The following LAMA4 variants were observed in gnomAD, a reference collection of about 807,000 sequenced individuals.
LAMA4 encodes the protein laminin subunit alpha-4.
In LAMA4, 127 loss-of-function variants were observed where a neutral mutation model predicts 207.1. The observed-to-expected ratio is 0.61, with a 90% CI of 0.53 to 0.71. The LOEUF is 0.71. Ranked by LOEUF, LAMA4 falls within the 30% of genes least tolerant of loss-of-function variation. The probability of loss-of-function intolerance (pLI) is 0.00; values close to 1 mark genes in which losing one functional copy is unlikely to be tolerated. For synonymous variants in LAMA4, 761 were observed against 816.0 expected (o/e 0.93, Z 1.15); for missense variants, 2,093 against 2,246.5 (o/e 0.93, Z 1.38).
rs943416782 is a variant in LAMA4 at position 112,120,449 on chromosome 6, C to G, written c.4499G>C (p.Arg1500Thr). The G allele has an allele frequency of 2.5e-6, 4 of 1,613,708 alleles. No homozygotes were observed. Among genetic ancestry groups the G allele is most frequent in the Non-Finnish European group, 3.4e-6 (4 of 1,179,724 alleles). ...GAKSQFSIRL[R>T]TRSSHGMIFY... ...GATCATGCCATGGGAGGAACGAGTT[C>G]TCAGACGAATGGAAAACTGAGATCT... Residue 1500 changes from arginine to threonine, a missense_variant, in exon 33 of 39, where the codon AGA becomes ACA. Transcript: ENST00000230538.
At chr6:112,138,999 T>G in intron 24 of LAMA4, 121 bp downstream of exon 24, 1 of 1,038,656 alleles carries the variant, frequency 9.6e-7, no homozygotes, top group South Asian at 1.4e-5. Flanking sequence ...AATTTGACTT[T>G]CTAAACTAGA....
chr6:112,200,839 A>G (rs545872868), intron 5 of LAMA4, among the ~76,000 whole-genome samples: 1 of 152,188 alleles, frequency 6.6e-6, no homozygotes, highest in East Asian at 1.9e-4. Context: ...CAATGAGAAC[A>G]CATGGGCACA....
At chr6:112,195,240 A>G (rs887860419) in intron 5 of LAMA4, among the ~76,000 whole-genome samples, 1 of 152,178 alleles carries the variant, frequency 6.6e-6, no homozygotes, top group Non-Finnish European at 1.5e-5. Context: ...ATGACATAAA[A>G]AAAAAGAACT....
chr6:112,170,771 G>A (rs2114857064), intron 12 of LAMA4, among the ~76,000 whole-genome samples: 1 of 152,296 alleles, frequency 6.6e-6, no homozygotes, highest in East Asian at 1.9e-4. Context: ...ATTAGCAGAT[G>A]ATCACAATTC....
chr6:112,215,631 G>A (rs560402838), intron 3 of LAMA4, among the ~76,000 whole-genome samples: 19 of 152,288 alleles, frequency 1.2e-4, no homozygotes, highest in African/African-American at 4.3e-4. Context: ...TGCCCTCTAT[G>A]ACTTCCACTG....
At chr6:112,142,626 T>C (rs1473220358) in intron 19 of LAMA4, among the ~76,000 whole-genome samples, 1 of 152,212 alleles carries the variant, frequency 6.6e-6, no homozygotes, top group Admixed American at 6.5e-5. Flanking sequence ...ACAAGGCTCA[T>C]ACAATTTATA....
chr6:112,148,569 T>G (rs1030875337), intron 17 of LAMA4, among the ~76,000 whole-genome samples: 6 of 152,124 alleles, frequency 3.9e-5, no homozygotes, highest in Non-Finnish European at 5.9e-5. Context: ...CCATAGAAAA[T>G]GCACATGAGA....
intron 5 of LAMA4, among the ~76,000 whole-genome samples, chr6:112,194,798 T>C (rs1196481866): frequency 6.6e-6 from 1 of 152,018 alleles, no homozygotes; most frequent in East Asian, 1.9e-4. Context: ...AGTATTTGAG[T>C]TTAGAGTAAG....
chr6:112,122,278 AATAAGG>A, intron 31 of LAMA4, 77 bp from the exon 32 acceptor site: 2 of 1,029,506 alleles, frequency 1.9e-6, no homozygotes, highest in South Asian at 2.7e-5. Flanking sequence ...CCTCATCATT[AATAAGG>A]ATAAAAAATT....
At chr6:112,165,039 C>T in intron 13 of LAMA4, 121 bp downstream of exon 13, 1 of 760,364 alleles carries the variant, frequency 1.3e-6, no homozygotes, top group East Asian at 2.5e-5. Flanking sequence ...AACATTCAGT[C>T]ATCTGATCTT....
intron 38 of LAMA4, among the ~76,000 whole-genome samples, chr6:112,111,651 C>A (rs1777702164): frequency 6.6e-6 from 1 of 152,206 alleles, no homozygotes; most frequent in Admixed American, 6.5e-5. Context: ...TTATTCTAGG[C>A]TTGCTGGCAT....
At chr6:112,164,678 C>T (rs1340933347) in intron 13 of LAMA4, among the ~76,000 whole-genome samples, 1 of 152,196 alleles carries the variant, frequency 6.6e-6, no homozygotes, top group Non-Finnish European at 1.5e-5. Flanking sequence ...GTTCAGTTCA[C>T]TGCATTTTAT....
intron 13 of LAMA4, 142 bp downstream of exon 13, chr6:112,165,018 C>A: frequency 1.4e-6 from 1 of 726,154 alleles, no homozygotes; most frequent in South Asian, 1.4e-5. Flanking sequence ...TCGTACAGTG[C>A]AAGAAACTAA....
rs1462164940 is a variant in LAMA4, at chr6:112,144,880, C to T, written c.2407G>A (p.Glu803Lys). Residue 803 changes from glutamate to lysine, a missense_variant, in exon 19 of 39, where the codon GAG becomes AAG. Coordinates refer to ENST00000230538, the MANE Select transcript of LAMA4 (RefSeq NM_001105206.3). ...PQLLDQLRTV[E>K]QKRPASNVSA... ...ACGTTGCTTGCAGGTCGCTTCTGCT[C>T]AACCGTACGAAGCTGATCCAGGAGC... 1 of 1,613,910 alleles carries T rather than the reference C, an allele frequency of 6.2e-7. No individual in the cohort carries two copies. Among genetic ancestry groups the T allele is most frequent in the East Asian group, 2.2e-5 (1 of 44,886 alleles).
intron 2 of LAMA4, among the ~76,000 whole-genome samples, chr6:112,241,106 T>TATATATGA (rs1477956342): frequency 4.8e-5 from 5 of 103,596 alleles, no homozygotes; most frequent in Non-Finnish European, 1.0e-4. Context: ...TGAATATATA[T>TATATATGA]ATATATATGA....
At chr6:112,147,619 A>G (rs950646488) in intron 18 of LAMA4, among the ~76,000 whole-genome samples, 1 of 152,194 alleles carries the variant, frequency 6.6e-6, no homozygotes, top group Admixed American at 6.5e-5. Context: ...TAGACATGAA[A>G]ATATTTCATT....
chr6:112,224,938 G>GTTT (rs5879142), intron 2 of LAMA4, among the ~76,000 whole-genome samples: 1 of 143,174 alleles, frequency 7.0e-6, no homozygotes, highest in Non-Finnish European at 1.5e-5. Flanking sequence ...TTCTTTCTCA[G>GTTT]TTTTTTTTTT....
At chr6:112,239,602 A>C (rs1418512457) in intron 2 of LAMA4, among the ~76,000 whole-genome samples, 3 of 152,170 alleles carry the variant, frequency 2.0e-5, no homozygotes, top group African/African-American at 7.2e-5. Context: ...TTAGTTCAGA[A>C]GGCCGGAAGA....
Position 112,111,149 on chromosome 6 carries a change from C to T in LAMA4, c.5327-1567G>A, listed in dbSNP as rs1040501214. Reference sequence around the variant, plus strand: ...TCCAGTTCCTGGGTTCAAGCGATTCCGCTGCCTCAGCCTCCTGAGTAGCTG... The same window carrying T: ...TCCAGTTCCTGGGTTCAAGCGATTCTGCTGCCTCAGCCTCCTGAGTAGCTG... On this transcript the variant is annotated intron_variant, in intron 38 of 38. Transcript: ENST00000230538. Among the ~76,000 whole-genome samples the T allele has an allele frequency of 2.6e-5, 4 of 152,166 alleles. No homozygotes were observed. The South Asian group carries it at 6.2e-4, about 24-fold the overall frequency.
Sources: gnomAD v4.1 joint callset for allele counts (sites outside exome capture counted in the v4.1 genomes callset) on GRCh38, gnomAD v4.1.1 for gene constraint, MANE v1.5 for transcripts, NCBI Gene and HGNC (gene_info 2026-07-23, HGNC 2026-07-21) for gene names.